Variants in ISM2 observed in about 807,000 individuals in gnomAD.
ISM2 encodes the protein isthmin 2.
ISM2 carries 50 observed loss-of-function variants against 58.0 expected under a neutral mutation model. The observed-to-expected ratio is 0.86, with a 90% CI of 0.69 to 1.09. ISM2 has a LOEUF of 1.09. Among genes scored for constraint, ISM2 ranks in the 50% least tolerant of loss-of-function variants. The pLI is 0.00. For missense variants in ISM2, 723 were observed against 745.0 expected (o/e 0.97, Z 0.34); for synonymous variants, 303 against 312.4 (o/e 0.97, Z 0.32).
intron 1 of ISM2, among the ~76,000 whole-genome samples, chr14:77,485,879 C>A (rs1052640101): frequency 6.6e-6 from 1 of 152,256 alleles, no homozygotes; most frequent in African/African-American, 2.4e-5. Context: ...CAAATCCCAT[C>A]TCTGCCTCTT....
chr14:77,495,504 TTTAG>T (rs1362717266), intron 1 of ISM2, among the ~76,000 whole-genome samples: 1 of 152,164 alleles, frequency 6.6e-6, no homozygotes, highest in Non-Finnish European at 1.5e-5. Flanking sequence ...ACAATGCCAA[TTTAG>T]TTAATTTTAT....
At chr14:77,498,393 C>A (rs2079261415) in intron 1 of ISM2, 3 of 1,295,342 alleles carry the variant, frequency 2.3e-6, no homozygotes, top group Non-Finnish European at 3.1e-6. Flanking sequence ...CACCTCACTC[C>A]GCACAGAAGT....
At position 77,498,799 on chromosome 14, in the gene ISM2, C is replaced by T; in HGVS notation, c.-6G>A. On this transcript the variant is annotated 5_prime_UTR_variant, in exon 1 of 7. Coordinates refer to ENST00000342219, the MANE Select transcript of ISM2 (RefSeq NM_199296.3). ...CGGTCGCGGAGCGCACGCATCGTCT[C>T]GGTTCCGAGGCTGCTCTGCCTGCAC... 3 of 1,427,660 alleles carry T rather than the reference C, an allele frequency of 2.1e-6. No individual in the cohort carries two copies. The highest frequency in any genetic ancestry group is 3.0e-5 in the Admixed American group (1 of 32,810). The allele number at this position is 1,427,660 out of a possible 1,614,324, so 88.4% of individuals were successfully genotyped here.
At chr14:77,487,572 C>T (rs753958491) in intron 1 of ISM2, among the ~76,000 whole-genome samples, 14 of 152,332 alleles carry the variant, frequency 9.2e-5, no homozygotes, top group Admixed American at 2.0e-4. Context: ...CACAGCCACA[C>T]GTGCCGCCTT....
chr14:77,483,660 CTGTG>C (rs373182955), intron 3 of ISM2, among the ~76,000 whole-genome samples: 17 of 147,766 alleles, frequency 1.2e-4, no homozygotes, highest in African/African-American at 3.3e-4. Context: ...GTGTGTGTGT[CTGTG>C]TGTGTGTGTG....
At chr14:77,492,093 T>C (rs1296252490) in intron 1 of ISM2, among the ~76,000 whole-genome samples, 1 of 151,600 alleles carries the variant, frequency 6.6e-6, no homozygotes, top group African/African-American at 2.4e-5. Context: ...TGTGAACTCC[T>C]GGCCTCAATC....
At chr14:77,490,835 C>T (rs1473558650) in intron 1 of ISM2, among the ~76,000 whole-genome samples, 1 of 152,184 alleles carries the variant, frequency 6.6e-6, no homozygotes, top group Non-Finnish European at 1.5e-5. Context: ...TCTCTCTCTC[C>T]CTCCCTGGGG....
rs1409518754 is a variant in ISM2, at chr14:77,498,745, G to C, written c.49C>G (p.Leu17Val). 6.8e-7 allele frequency: 1 copy of C among 1,480,832 alleles called. No individual in the cohort carries two copies. 91.7% of individuals were successfully genotyped at this position (1,480,832 alleles called of 1,614,324 possible). A position where few individuals can be genotyped will look rare whatever the true frequency, so the allele number is the denominator to read the frequency against. Residue 17 changes from leucine (L) to valine (V), a missense_variant, in exon 1 of 7, where the codon CTG (leucine) becomes GTG (valine). Physicochemically the swap from Leu to Val is conservative, Grantham distance 32. Coordinates refer to ENST00000342219, the MANE Select transcript of ISM2 (RefSeq NM_199296.3). ...AGCGCCGCCTCCAGCAGCGCCGCCA[G>C]CAGCAGCACGCAGAGGAGGAGCCCG... ...RAGLLLCVLL[L>V]AALLEAALGL...
chr14:77,475,652 G>C lies in ISM2; in HGVS notation c.1659C>G (p.Thr553=). 6.2e-7 allele frequency: 1 copy of C among 1,612,458 alleles called. No homozygotes were observed. Among genetic ancestry groups the C allele is most frequent in the Non-Finnish European group, 8.5e-7 (1 of 1,179,050 alleles). ...VLPPNNGRAC[T]DNPLEEEYLA... ...GGTACTCCTCCTCCAGGGGGTTGTCGGTGCAGGCTCGGCCGTTGTTGGGAG... is the reference window on the plus strand; with the variant it reads ...GGTACTCCTCCTCCAGGGGGTTGTCCGTGCAGGCTCGGCCGTTGTTGGGAG... The change falls in exon 7 of 7, where the codon ACC becomes ACG. Residue 553 remains threonine (T), a synonymous_variant. Transcript: ENST00000342219. This position sits in a 1 kb window ranked among gnomAD's most constrained non-coding sequence, Gnocchi z 4.1.
intron 1 of ISM2, among the ~76,000 whole-genome samples, chr14:77,488,878 T>C (rs1393521794): frequency 6.6e-6 from 1 of 152,206 alleles, no homozygotes; most frequent in African/African-American, 2.4e-5. Context: ...CTCCAGGTTG[T>C]TGAAGAACTC....
intron 6 of ISM2, 55 bp from the exon 7 acceptor site, chr14:77,476,167 T>A: frequency 6.7e-7 from 1 of 1,493,544 alleles, no homozygotes; most frequent in East Asian, 2.3e-5. Context: ...CAGGCCCGTG[T>A]GGGGCGGGGA....
At chr14:77,494,052 C>T (rs2079224207) in intron 1 of ISM2, among the ~76,000 whole-genome samples, 1 of 151,996 alleles carries the variant, frequency 6.6e-6, no homozygotes, top group Non-Finnish European at 1.5e-5. Context: ...GCTGGGATTA[C>T]AGGCGTGAGC....
intron 6 of ISM2, among the ~76,000 whole-genome samples, chr14:77,477,874 G>A (rs922067041): frequency 2.0e-5 from 3 of 152,156 alleles, no homozygotes; most frequent in South Asian, 4.1e-4. Flanking sequence ...ACCCATTTCT[G>A]ACTGCACTGC....
At chr14:77,476,280 A>G (rs754233072) in intron 6 of ISM2, among the ~76,000 whole-genome samples, 168 bp from the exon 7 acceptor site, 2 of 152,228 alleles carry the variant, frequency 1.3e-5, no homozygotes, top group African/African-American at 2.4e-5. Context: ...ACCCCACACC[A>G]TCCAGACAAC....
At chr14:77,476,259 GGA>G in intron 6 of ISM2, 147 bp from the exon 7 acceptor site, 1 of 804,014 alleles carries the variant, frequency 1.2e-6, no homozygotes, top group Non-Finnish European at 1.9e-6. Flanking sequence ...CCTTGGGGAT[GGA>G]GAGAGGCTAC....
Position 77,475,863 on chromosome 14 carries a change from TC to T in ISM2, c.1447del (p.Glu483ArgfsTer19). 6.2e-7 allele frequency: 1 copy of T among 1,608,854 alleles called. No individual in the cohort carries two copies. ...RFCLRSMLSG[E>X]SSTLAAQHCC... ...GTGCTGGGCGGCCAGTGTGCTGCTC[TC>T]CCCAGACAGCATGGAACGCAGGCAG... On this transcript the variant is annotated frameshift_variant, in exon 7 of 7. Coordinates refer to ENST00000342219, the MANE Select transcript of ISM2 (RefSeq NM_199296.3). LOFTEE classifies it high-confidence loss of function. The surrounding 1 kb of genome is among the most constrained non-coding windows in gnomAD (Gnocchi z 4.1).
Position 77,498,425 on chromosome 14 carries a change from C to T in ISM2, c.141+228G>A, listed in dbSNP as rs1275931146. The T allele has an allele frequency of 2.6e-5, 32 of 1,227,014 alleles. No individual in the cohort carries two copies. The East Asian group carries it at 7.9e-4, about 30-fold the overall frequency. 76.0% of individuals were successfully genotyped at this position (1,227,014 alleles called of 1,614,324 possible). A position where few individuals can be genotyped will look rare whatever the true frequency, so the allele number is the denominator to read the frequency against. On this transcript the variant is annotated intron_variant, in intron 1 of 6. Coordinates refer to ENST00000342219, the MANE Select transcript of ISM2 (RefSeq NM_199296.3). ...AAGTCAAACTTGTCACCCGGCTGGT[C>T]CGCGGCAGCCCGGCTCGCGGTCACG...
chr14:77,483,254 G>A (rs1016310563), intron 3 of ISM2, among the ~76,000 whole-genome samples: 24 of 152,144 alleles, frequency 1.6e-4, no homozygotes, highest in Non-Finnish European at 3.2e-4. Context: ...CTATGAAGAA[G>A]AAAATGAAAA....
chr14:77,486,435 G>A (rs1431502242), intron 1 of ISM2, among the ~76,000 whole-genome samples: 1 of 152,192 alleles, frequency 6.6e-6, no homozygotes, highest in African/African-American at 2.4e-5. Context: ...GTCTCTTGCT[G>A]AGTCAAAGCC....
Sources: allele counts gnomAD v4.1 joint callset (sites outside exome capture counted in the v4.1 genomes callset), GRCh38; gene constraint gnomAD v4.1.1; non-coding constraint Gnocchi (gnomAD v3.1); transcripts MANE v1.5; gene names NCBI Gene and HGNC (gene_info 2026-07-23, HGNC 2026-07-21).